Variants in FAM98B observed in about 807,000 individuals in gnomAD.
FAM98B encodes tRNA-splicing ligase complex subunit FAM98B.
FAM98B carries 32 observed loss-of-function variants against 43.9 expected under a neutral mutation model. That is an observed-to-expected ratio of 0.73 (90% CI 0.55 to 0.98). The LOEUF is 0.98. FAM98B is among the 50% of genes least tolerant of loss of function. The pLI, the probability that FAM98B is intolerant of heterozygous loss-of-function variation, is 0.00. For missense variants in FAM98B, 514 were observed against 522.9 expected (o/e 0.98, Z 0.17); for synonymous variants, 190 against 174.0 (o/e 1.09, Z -0.72).
chr15:38,474,447 C>T (rs1890169278), intron 6 of FAM98B, 149 bp downstream of exon 6: 2 of 560,024 alleles, frequency 3.6e-6, no homozygotes, highest in Non-Finnish European at 3.2e-6. Flanking sequence ...ACAAGATGAT[C>T]CTGGTCTTGT....
At position 38,483,946 on chromosome 15, in the gene FAM98B, C is replaced by T. The variant is rs533976971; in HGVS notation, c.898-309C>T. 2.0e-5 allele frequency among the ~76,000 whole-genome samples: 3 copies of T among 152,024 alleles called. No homozygotes were observed. The East Asian group carries it at 5.8e-4, about 30-fold the overall frequency. ...CATATCCCTCTCAAACATTTATCAT[C>T]TCTTTGTGTTGGAAACATTCAATAT... On this transcript the variant is annotated intron_variant, in intron 7 of 7. Transcript: ENST00000397609.
intron 4 of FAM98B, 103 bp from the exon 5 acceptor site, chr15:38,473,402 T>C (rs1262027823): frequency 6.8e-6 from 5 of 732,076 alleles, no homozygotes; most frequent in Non-Finnish European, 1.1e-5. Flanking sequence ...TATGTCACTT[T>C]AATATTTTAT....
intron 1 of FAM98B, chr15:38,459,225 C>T (rs1595796087): frequency 2.2e-6 from 1 of 463,278 alleles, no homozygotes; most frequent in East Asian, 5.7e-5. Context: ...GGGCTTCATC[C>T]AGGTCAGTGA....
At chr15:38,463,618 A>G (rs1396919414) in intron 1 of FAM98B, among the ~76,000 whole-genome samples, 1 of 152,070 alleles carries the variant, frequency 6.6e-6, no homozygotes, top group Non-Finnish European at 1.5e-5. Context: ...TAAATTTGTA[A>G]TTTGTGTCTG....
intron 3 of FAM98B, among the ~76,000 whole-genome samples, chr15:38,467,612 A>G (rs1450046904): frequency 2.0e-5 from 3 of 152,172 alleles, no homozygotes; most frequent in East Asian, 1.9e-4. Flanking sequence ...ATTAAAATTC[A>G]CTTGGCTTTT....
At chr15:38,469,394 A>G (rs531332694) in intron 3 of FAM98B, among the ~76,000 whole-genome samples, 151 of 152,324 alleles carry the variant, frequency 9.9e-4, no homozygotes, top group African/African-American at 3.5e-3. Context: ...CTTATATATC[A>G]GTTAGAGCTA....
At chr15:38,479,818 C>T (rs1205940585) in intron 6 of FAM98B, among the ~76,000 whole-genome samples, 1 of 152,172 alleles carries the variant, frequency 6.6e-6, no homozygotes, top group Non-Finnish European at 1.5e-5. Flanking sequence ...TTGTTTTCCA[C>T]TTAAGTTTAT....
rs181737697 is a variant in FAM98B, at chr15:38,474,347, C to T, written c.729+49C>T. On this transcript the variant is annotated intron_variant, in intron 6 of 7. Transcript: ENST00000397609. The stretch of plus-strand genomic sequence containing the variant: ...TCCTGTAGGTGGTAGCCTATAACAG[C>T]TCTTCTGGCTTGCTTGTCTGTTATG... The T allele has an allele frequency of 5.0e-5, 64 of 1,267,616 alleles. No homozygotes were observed. The African/African-American group carries it at 8.4e-4, about 17-fold the overall frequency. The allele number at this position is 1,267,616 out of a possible 1,614,324, so 78.5% of individuals were successfully genotyped here. A position where few individuals can be genotyped will look rare whatever the true frequency, so the allele number is the denominator to read the frequency against.
chr15:38,476,773 T>G (rs1458232851), intron 6 of FAM98B, among the ~76,000 whole-genome samples: 4 of 151,912 alleles, frequency 2.6e-5, no homozygotes, highest in Non-Finnish European at 5.9e-5. Context: ...TTTTTCTTGG[T>G]CTCTCCCATG....
At chr15:38,481,820 G>C in intron 7 of FAM98B, 1 of 446,908 alleles carries the variant, frequency 2.2e-6, no homozygotes, top group Non-Finnish European at 3.9e-6. Flanking sequence ...AAGGGAAGAA[G>C]AGTTTGTGCT....
At chr15:38,478,789 C>G (rs757175580) in intron 6 of FAM98B, among the ~76,000 whole-genome samples, 3 of 152,078 alleles carry the variant, frequency 2.0e-5, no homozygotes, top group Non-Finnish European at 4.4e-5. Context: ...TATGTAGTTT[C>G]TTTTCTTCAC....
intron 1 of FAM98B, among the ~76,000 whole-genome samples, chr15:38,463,122 T>C (rs1889975422): frequency 6.6e-6 from 1 of 152,182 alleles, no homozygotes; most frequent in Non-Finnish European, 1.5e-5. Context: ...TCTAATTCAG[T>C]TAAGATAGTA....
At chr15:38,480,558 A>T (rs1050699233) in intron 6 of FAM98B, among the ~76,000 whole-genome samples, 1 of 151,150 alleles carries the variant, frequency 6.6e-6, no homozygotes, top group African/African-American at 2.4e-5. Context: ...TGGGGAAACT[A>T]ACTTAAGCTT....
chr15:38,456,018 AT>A lies in FAM98B; in HGVS notation c.71+1787del, dbSNP rs1208792620. 2.6e-5 allele frequency among the ~76,000 whole-genome samples: 4 copies of A among 152,368 alleles called. No homozygotes were observed. In the East Asian group the frequency reaches 7.7e-4, roughly 29 times the overall value. ...GTAATGGAACACTGTGTTTTCAAAT[AT>A]CCATGTAGATAGTGAATAATGCATT... On this transcript the variant is annotated intron_variant, in intron 1 of 7. Transcript: ENST00000397609.
intron 1 of FAM98B, among the ~76,000 whole-genome samples, chr15:38,457,117 G>A (rs1889861307): frequency 6.6e-6 from 1 of 152,160 alleles, no homozygotes; most frequent in African/African-American, 2.4e-5. Context: ...CAGTGGATAT[G>A]GGAAGAACTA....
chr15:38,454,548 G>T (rs143938463), intron 1 of FAM98B, among the ~76,000 whole-genome samples: 224 of 152,338 alleles, frequency 1.5e-3, no homozygotes, highest in African/African-American at 5.2e-3. Flanking sequence ...GCTCGCGCCC[G>T]CAGGTGATAT....
chr15:38,456,335 C>T (rs184858176), intron 1 of FAM98B, among the ~76,000 whole-genome samples: 29 of 152,308 alleles, frequency 1.9e-4, no homozygotes, highest in African/African-American at 6.7e-4. Context: ...AAAACTGTTC[C>T]AGTCTAGTAT....
chr15:38,479,899 A>G (rs887952208), intron 6 of FAM98B, among the ~76,000 whole-genome samples: 1 of 152,202 alleles, frequency 6.6e-6, no homozygotes, highest in Non-Finnish European at 1.5e-5. Flanking sequence ...TGCTAACTTG[A>G]TGTTAAAAAG....
chr15:38,483,687 ATAT>A (rs1890318499), intron 7 of FAM98B: 1,564 of 68,924 alleles, frequency 0.023, 26 homozygotes, highest in African/African-American at 0.032. Flanking sequence ...AAAAAAAAAT[ATAT>A]ATATATATAT....
Sources: gnomAD v4.1 joint callset for allele counts (sites outside exome capture counted in the v4.1 genomes callset) on GRCh38, gnomAD v4.1.1 for gene constraint, MANE v1.5 for transcripts, NCBI Gene and HGNC (gene_info 2026-07-23, HGNC 2026-07-21) for gene names.